The following TRPC1 variants were observed in gnomAD, a reference collection of about 807,000 sequenced individuals.
The protein encoded by TRPC1 is short transient receptor potential channel 1.
Under a neutral mutation model 88.2 loss-of-function variants are expected in TRPC1, and 42 were observed. That is an observed-to-expected ratio of 0.48 (90% CI 0.37 to 0.62). The LOEUF (loss-of-function observed/expected upper bound fraction) is 0.62, where lower values mean the gene tolerates loss of function less well. TRPC1 is among the 20% of genes least tolerant of loss of function. The pLI, the probability that TRPC1 is intolerant of heterozygous loss-of-function variation, is 0.00. For synonymous variants in TRPC1, 288 were observed against 331.8 expected (o/e 0.87, Z 1.43); for missense variants, 699 against 957.3 (o/e 0.73, Z 3.56).
At chr3:142,763,983 T>TATATATATATATATAC (rs1441314374) in intron 4 of TRPC1, among the ~76,000 whole-genome samples, 7 of 74,352 alleles carry the variant, frequency 9.4e-5, no homozygotes, top group South Asian at 6.9e-4. Context: ...TATATATATA[T>TATATATATATATATAC]ACACATACAT....
intron 2 of TRPC1, among the ~76,000 whole-genome samples, chr3:142,740,277 G>T (rs534337280): frequency 6.6e-6 from 1 of 152,238 alleles, no homozygotes; most frequent in Admixed American, 6.5e-5. Flanking sequence ...GGGTGACTAA[G>T]AGAAGGAAGA....
intron 3 of TRPC1, among the ~76,000 whole-genome samples, chr3:142,744,273 G>T (rs1934458595): frequency 6.6e-6 from 1 of 151,992 alleles, no homozygotes; most frequent in Non-Finnish European, 1.5e-5. Context: ...AAAAATCATT[G>T]ATAGCAAGGG....
At chr3:142,758,384 T>C (rs1411518212) in intron 4 of TRPC1, among the ~76,000 whole-genome samples, 2 of 152,212 alleles carry the variant, frequency 1.3e-5, no homozygotes, top group African/African-American at 4.8e-5. Flanking sequence ...CTCTGGTGAT[T>C]TGTGATGTTG....
intron 6 of TRPC1, among the ~76,000 whole-genome samples, chr3:142,781,368 T>C (rs1339149307): frequency 1.3e-5 from 2 of 152,208 alleles, no homozygotes; most frequent in Admixed American, 6.5e-5. Context: ...TCCTTTGTAG[T>C]AGGTACAAAC....
intron 2 of TRPC1, among the ~76,000 whole-genome samples, chr3:142,736,967 A>C (rs917235993): frequency 3.3e-5 from 5 of 152,046 alleles, no homozygotes; most frequent in African/African-American, 1.2e-4. Context: ...AACAGTTTTC[A>C]GTTTGACTTT....
chr3:142,726,127 A>C (rs1425008767), intron 1 of TRPC1, among the ~76,000 whole-genome samples: 2 of 152,164 alleles, frequency 1.3e-5, no homozygotes, highest in African/African-American at 2.4e-5. Context: ...CTCTTCCCTC[A>C]AAAGTTCTGA....
chr3:142,782,917 C>T (rs1936009564), intron 6 of TRPC1, among the ~76,000 whole-genome samples: 1 of 152,132 alleles, frequency 6.6e-6, no homozygotes, highest in Admixed American at 6.5e-5. Flanking sequence ...GTTCATGGCT[C>T]CAAGAGCAGG....
chr3:142,725,825 C>T (rs1933651029), intron 1 of TRPC1, among the ~76,000 whole-genome samples: 2 of 152,146 alleles, frequency 1.3e-5, no homozygotes, highest in Non-Finnish European at 2.9e-5. Flanking sequence ...CCTTCCTAAC[C>T]TCTCCTCCTG....
chr3:142,796,529 A>G (rs1328315589), intron 9 of TRPC1, among the ~76,000 whole-genome samples: 3 of 151,974 alleles, frequency 2.0e-5, no homozygotes, highest in Non-Finnish European at 2.9e-5. Flanking sequence ...CAGGTCCCAC[A>G]TGCTTCCTGT....
At chr3:142,738,431 A>T (rs548653633) in intron 2 of TRPC1, among the ~76,000 whole-genome samples, 2 of 152,368 alleles carry the variant, frequency 1.3e-5, no homozygotes, top group Admixed American at 1.3e-4. Context: ...ATTAAGTAAT[A>T]CAAAGGTATA....
At chr3:142,801,836 G>C (rs747091331) in intron 9 of TRPC1, among the ~76,000 whole-genome samples, 3 of 152,092 alleles carry the variant, frequency 2.0e-5, no homozygotes, top group Non-Finnish European at 4.4e-5. Flanking sequence ...AGTTTGAGCA[G>C]GGTATTTTCC....
chr3:142,779,274 C>T (rs1392149570), intron 5 of TRPC1, among the ~76,000 whole-genome samples: 1 of 152,154 alleles, frequency 6.6e-6, no homozygotes, highest in East Asian at 1.9e-4. Flanking sequence ...AGAGTTAAAA[C>T]TAAAAGTAGG....
intron 9 of TRPC1, among the ~76,000 whole-genome samples, chr3:142,798,108 C>T (rs1936507136): frequency 6.6e-6 from 1 of 152,018 alleles, no homozygotes; most frequent in African/African-American, 2.4e-5. Context: ...TCAAGTCCTA[C>T]CCTCAGAGAT....
chr3:142,796,318 T>G (rs1936449850), intron 9 of TRPC1, among the ~76,000 whole-genome samples: 1 of 152,144 alleles, frequency 6.6e-6, no homozygotes. Flanking sequence ...GTATAACTTC[T>G]GTGGGCAGGC....
intron 4 of TRPC1, among the ~76,000 whole-genome samples, chr3:142,773,273 C>T (rs1278053986): frequency 1.3e-5 from 2 of 151,532 alleles, no homozygotes; most frequent in Admixed American, 6.6e-5. Context: ...AGTGCAGTAG[C>T]GCAATCTCAG....
At chr3:142,742,226 T>C (rs192689047) in intron 2 of TRPC1, among the ~76,000 whole-genome samples, 132 of 152,296 alleles carry the variant, frequency 8.7e-4, no homozygotes, top group Non-Finnish European at 1.6e-3. Flanking sequence ...AGCATTCTTT[T>C]TGTTCATTTC....
chr3:142,800,816 G>T (rs1936596037), intron 9 of TRPC1, among the ~76,000 whole-genome samples: 1 of 151,840 alleles, frequency 6.6e-6, no homozygotes, highest in Non-Finnish European at 1.5e-5. Flanking sequence ...TACTTGGGAG[G>T]CTAAGGCAGG....
chr3:142,795,950 G>A (rs1296153291), intron 9 of TRPC1, among the ~76,000 whole-genome samples: 2 of 152,030 alleles, frequency 1.3e-5, no homozygotes, highest in Non-Finnish European at 2.9e-5. Context: ...AAGAAAAAAC[G>A]ACATGAAGAT....
At position 142,758,310 on chromosome 3, in the gene TRPC1, A is replaced by G. The variant is rs1433917603; in HGVS notation, c.632+9850A>G. On this transcript the variant is annotated intron_variant, in intron 4 of 12. Coordinates refer to ENST00000476941, the MANE Select transcript of TRPC1 (RefSeq NM_001251845.2). ...TTGCTTGCATTTGTTATTGTGTGCCATTCTGATACAAACTATTTTAACTGG... is the reference window on the plus strand; with the variant it reads ...TTGCTTGCATTTGTTATTGTGTGCCGTTCTGATACAAACTATTTTAACTGG... Among the ~76,000 whole-genome samples the G allele has an allele frequency of 3.3e-5, 5 of 152,256 alleles. No individual in the cohort carries two copies. The East Asian group carries it at 7.7e-4, about 24-fold the overall frequency.
Sources: allele counts gnomAD v4.1 joint callset (sites outside exome capture counted in the v4.1 genomes callset), GRCh38; gene constraint gnomAD v4.1.1; transcripts MANE v1.5; gene names NCBI Gene and HGNC (gene_info 2026-07-23, HGNC 2026-07-21).